SLC9A3: variants seen among roughly 807,000 people sequenced by gnomAD.
SLC9A3 encodes the protein solute carrier family 9 member A3, also known as sodium/hydrogen exchanger 3.
A neutral mutation model predicts 86.8 loss-of-function variants in SLC9A3; 37 were observed. That is an observed-to-expected ratio of 0.43 (90% confidence interval 0.33 to 0.56). The LOEUF (loss-of-function observed/expected upper bound fraction) is 0.56. Among genes scored for constraint, SLC9A3 ranks in the 20% least tolerant of loss-of-function variants. The pLI is 0.06. For missense variants in SLC9A3, 1,011 were observed against 1,171.9 expected (o/e 0.86, Z 2.00); for synonymous variants, 581 against 528.3 (o/e 1.10, Z -1.37).
At chr5:508,447 G>T (rs190551402) in intron 1 of SLC9A3, among the ~76,000 whole-genome samples, 3 of 139,278 alleles carry the variant, frequency 2.2e-5, no homozygotes, top group African/African-American at 8.3e-5. Context: ...AGCCCATAGC[G>T]CGCCTGGGAT....
rs752586732 is a variant in SLC9A3 at position 477,433 on chromosome 5, G to A, written c.1659C>T (p.Arg553=). The A allele has an allele frequency of 1.6e-5, 26 of 1,611,638 alleles. No individual in the cohort carries two copies. The East Asian group carries it at 4.2e-4, about 26-fold the overall frequency. ...GGGAGCGGATGAAGGCCAGGGACCC[G>A]CGGCGCTCTCCCTGTGGTCAGGAAG... is the stretch of plus-strand genomic sequence containing the variant. ...AISYVAEGER[R]GSLAFIRSPS... Residue 553 remains arginine, a synonymous_variant, in exon 11 of 17, where the codon CGC becomes CGT. Transcript: ENST00000264938.
At chr5:473,477 C>T in intron 16 of SLC9A3, 95 bp from the exon 17 acceptor site, 1 of 1,076,688 alleles carries the variant, frequency 9.3e-7, no homozygotes, top group Non-Finnish European at 1.2e-6. Flanking sequence ...AGCCCGGCGG[C>T]TCTCGCCTCC....
chr5:493,888 G>A (rs1221255065), intron 1 of SLC9A3, among the ~76,000 whole-genome samples: 3 of 152,236 alleles, frequency 2.0e-5, no homozygotes, highest in African/African-American at 4.8e-5. Flanking sequence ...AGGGCAGCGG[G>A]GGTTGGCCCG....
At position 497,965 on chromosome 5, in the gene SLC9A3, C is replaced by A. The variant is rs1230001201; in HGVS notation, c.212-5894G>T. On this transcript the variant is annotated intron_variant, in intron 1 of 16. Transcript: ENST00000264938. This position sits in a 1 kb window ranked among gnomAD's most constrained non-coding sequence, Gnocchi z 5.4. ...AGGCACCTGCTGGTCAGCTATGAAG[C>A]CTTAGCCTCGCTTGTGGGAGTCCCT... 6.6e-6 allele frequency among the ~76,000 whole-genome samples: 1 copy of A among 152,386 alleles called. No homozygotes were observed. The highest frequency in any genetic ancestry group is 1.5e-5 in the Non-Finnish European group (1 of 68,042).
chr5:524,311 G>C lies in SLC9A3; in HGVS notation c.12C>G (p.Leu4=). The C allele has an allele frequency of 7.9e-7, 1 of 1,265,432 alleles. No homozygotes were observed. Among genetic ancestry groups the C allele is most frequent in the Non-Finnish European group, 1.0e-6 (1 of 1,000,996 alleles). The allele number at this position is 1,265,432 out of a possible 1,614,324, so 78.4% of individuals were successfully genotyped here. A position where few individuals can be genotyped will look rare whatever the true frequency, so the allele number is the denominator to read the frequency against. Reference sequence around the variant, plus strand: ...GCCCCCGGTCGGGGCCCCGGGCCCCGAGTCCCCACATTGCCGCCTGCTCAG... The same window carrying C: ...GCCCCCGGTCGGGGCCCCGGGCCCCCAGTCCCCACATTGCCGCCTGCTCAG... MWG[L]GARGPDRGLL... is the part of the protein sequence containing the mutation. Residue 4 remains leucine (L), a synonymous_variant, in exon 1 of 17, where the codon CTC becomes CTG. Transcript: ENST00000264938.
At chr5:480,837 T>TAAG (rs907907530) in intron 9 of SLC9A3, 2 of 152,294 alleles carry the variant, frequency 1.3e-5, no homozygotes, top group South Asian at 2.1e-4. Flanking sequence ...GGGTTTATTA[T>TAAG]AAGTGTCACA....
chr5:497,746 TC>T lies in SLC9A3; in HGVS notation c.212-5676del, dbSNP rs1204171248. Among the ~76,000 whole-genome samples the T allele has an allele frequency of 8.9e-6, 1 of 111,864 alleles. No individual in the cohort carries two copies. Among genetic ancestry groups the T allele is most frequent in the Non-Finnish European group, 1.9e-5 (1 of 53,890 alleles). 73.4% of individuals were successfully genotyped at this position (111,864 alleles called of 152,430 possible). ...GGGTCGCCCGGCCGCATCCCCAGCC[TC>T]TGCCCCTGTCCCGGGTGGGGTCGCC... On this transcript the variant is annotated intron_variant, in intron 1 of 16. Transcript: ENST00000264938. This position sits in a 1 kb window ranked among gnomAD's most constrained non-coding sequence, Gnocchi z 5.4.
chr5:477,113 C>A, intron 11 of SLC9A3: 2 of 528,564 alleles, frequency 3.8e-6, no homozygotes, highest in Non-Finnish European at 6.7e-6. Context: ...CCCCAGTCCG[C>A]TGCTGCCCCT....
chr5:479,662 G>A (rs1739026652), intron 10 of SLC9A3, 174 bp downstream of exon 10: 5 of 620,548 alleles, frequency 8.1e-6, no homozygotes, highest in South Asian at 5.6e-5. Context: ...TACCCCACGA[G>A]AGCCCCTGGG....
Position 473,251 on chromosome 5 carries a change from C to A in SLC9A3, c.*128G>T, listed in dbSNP as rs937924245. On this transcript the variant is annotated 3_prime_UTR_variant, in exon 17 of 17. Transcript: ENST00000264938. ...TGCGCAGGCGCTGGCGTGGGCGAGGCGGGGCTCGGGGCTCGCGGTCGCTGT... is the reference window on the plus strand; with the variant it reads ...TGCGCAGGCGCTGGCGTGGGCGAGGAGGGGCTCGGGGCTCGCGGTCGCTGT... 3 of 1,033,812 alleles carry A rather than the reference C, an allele frequency of 2.9e-6. No homozygotes were observed. The South Asian group carries it at 1.0e-4, about 36-fold the overall frequency. 64.0% of individuals were successfully genotyped at this position (1,033,812 alleles called of 1,614,324 possible). A position where few individuals can be genotyped will look rare whatever the true frequency, so the allele number is the denominator to read the frequency against.
In SLC9A3 at chr5:479,957, T is replaced by C. The variant is rs767813750; in HGVS notation, c.1526A>G (p.His509Arg). 1.9e-6 allele frequency: 3 copies of C among 1,613,754 alleles called. No individual in the cohort carries two copies. Among genetic ancestry groups the C allele is most frequent in the Admixed American group, 1.7e-5 (1 of 60,014 alleles). The stretch of plus-strand genomic sequence containing the variant: ...CCTGCTGAGGAACTTCCTGTCGAAG[T>C]GGGACCACCTGTAGGGACAGACCTT... Reference protein sequence around the residue: ...GHNYLRDKWSHFDRKFLSRVL... With the variant: ...GHNYLRDKWSRFDRKFLSRVL... The change falls in exon 10 of 17, where the codon CAC becomes CGC. Residue 509 changes from histidine (H) to arginine (R), a missense_variant. By Grantham distance (29) the His-to-Arg change is conservative (BLOSUM62 0). Transcript: ENST00000264938.
rs532317434 is a variant in SLC9A3 at position 514,929 on chromosome 5, C to G, written c.211+9183G>C. 4.6e-5 allele frequency among the ~76,000 whole-genome samples: 7 copies of G among 152,258 alleles called. No homozygotes were observed. In the South Asian group the frequency reaches 1.4e-3, roughly 32 times the overall value. ...AGCCCTGCACAGTCCAGAAGGGGAC[C>G]CTGGCTCTGTCCCTCCCCAGGGCTG... On this transcript the variant is annotated intron_variant, in intron 1 of 16. Coordinates refer to ENST00000264938, the MANE Select transcript of SLC9A3 (RefSeq NM_004174.4).
At chr5:523,793 C>T (rs1160633782) in intron 1 of SLC9A3, among the ~76,000 whole-genome samples, 1 of 152,198 alleles carries the variant, frequency 6.6e-6, no homozygotes, top group African/African-American at 2.4e-5. Context: ...CCCGGGGACT[C>T]CCTGGGCGCG....
At chr5:519,761 C>A (rs1434330546) in intron 1 of SLC9A3, among the ~76,000 whole-genome samples, 2 of 152,064 alleles carry the variant, frequency 1.3e-5, no homozygotes, top group Non-Finnish European at 2.9e-5. Flanking sequence ...GGTGCTGGAA[C>A]CCCAAGGCTG....
intron 1 of SLC9A3, among the ~76,000 whole-genome samples, chr5:517,134 T>C (rs1450134624): frequency 6.6e-6 from 1 of 151,380 alleles, no homozygotes; most frequent in Non-Finnish European, 1.5e-5. Context: ...TACCCATCCT[T>C]CCGCCCATCC....
In SLC9A3 at chr5:517,128, C is replaced by T. The variant is rs189801011; in HGVS notation, c.211+6984G>A. ...CCATCCATCCATCCACATATCTACC[C>T]ATCCTTCCGCCCATCCCTCCATTTA... is the stretch of plus-strand genomic sequence containing the variant. On this transcript the variant is annotated intron_variant, in intron 1 of 16. Coordinates refer to ENST00000264938, the MANE Select transcript of SLC9A3 (RefSeq NM_004174.4). Among the ~76,000 whole-genome samples, 6 of 151,930 alleles carry T rather than the reference C, an allele frequency of 3.9e-5. No homozygotes were observed. The East Asian group carries it at 1.2e-3, about 30-fold the overall frequency.
chr5:514,975 G>T (rs1023612351), intron 1 of SLC9A3, among the ~76,000 whole-genome samples: 2 of 152,086 alleles, frequency 1.3e-5, no homozygotes, highest in African/African-American at 4.8e-5. Flanking sequence ...CCAGATAGGG[G>T]GTCCCGGCTG....
rs76348935 is a variant in SLC9A3, at chr5:473,045, G to A, written c.*334C>T. On this transcript the variant is annotated 3_prime_UTR_variant, in exon 17 of 17. Coordinates refer to ENST00000264938, the MANE Select transcript of SLC9A3 (RefSeq NM_004174.4). ...GCAGCGACGCCAGCTTCAGCAGCGC[G>A]GGGCGGCGGCGCGCGCGAGGCCGCT... The A allele has an allele frequency of 0.45, 163,222 of 362,294 alleles. 38,257 individuals carry two copies. The highest frequency in any genetic ancestry group is 0.64 in the African/African-American group (30,000 of 46,598). 22.4% of individuals were successfully genotyped at this position (362,294 alleles called of 1,614,324 possible).
chr5:479,921 C>G lies in SLC9A3; in HGVS notation c.1562G>C (p.Arg521Thr). 1 of 1,614,032 alleles carries G rather than the reference C, an allele frequency of 6.2e-7. No individual in the cohort carries two copies. The highest frequency in any genetic ancestry group is 8.5e-7 in the Non-Finnish European group (1 of 1,179,990). The change falls in exon 10 of 17, where the codon AGA becomes ACA. Residue 521 changes from arginine to threonine, a missense_variant. Around this residue, in one of 3 missense-constraint regions of SLC9A3, gnomAD observed 565 missense variants for 790.0 expected, o/e 0.72. Coordinates refer to ENST00000264938, the MANE Select transcript of SLC9A3 (RefSeq NM_004174.4). ...GTCTCGAGACTTCTGGGCCGACCGT[C>G]TCATGAGGACCCTGCTGAGGAACTT... ...DRKFLSRVLM[R>T]RSAQKSRDRI...
Sources: allele counts gnomAD v4.1 joint callset (sites outside exome capture counted in the v4.1 genomes callset), GRCh38; gene constraint gnomAD v4.1.1; regional missense constraint gnomAD v4.1.1; non-coding constraint Gnocchi (gnomAD v3.1); transcripts MANE v1.5; gene names NCBI Gene and HGNC (gene_info 2026-07-23, HGNC 2026-07-21).